TOP2A: variants seen among roughly 807,000 people sequenced by gnomAD.
TOP2A encodes the protein DNA topoisomerase II alpha.
In TOP2A, 68 loss-of-function variants were observed where a neutral mutation model predicts 187.2. The ratio of observed to expected loss-of-function variants is 0.36; its 90% CI spans 0.30 to 0.44. The LOEUF is 0.44. Ranked by LOEUF, TOP2A falls within the 20% of genes least tolerant of loss-of-function variation. TOP2A has a pLI of 1.00. For missense variants in TOP2A, 1,196 were observed against 1,808.7 expected, an observed-to-expected ratio of 0.66 and a Z score of 6.14; for synonymous variants, 542 against 593.2, an observed-to-expected ratio of 0.91 and a Z score of 1.25.
chr17:40,413,314 A>G (rs1024283875), intron 5 of TOP2A, 22 bp from the exon 6 acceptor site: 34 of 1,524,898 alleles, frequency 2.2e-5, no homozygotes, highest in Middle Eastern at 1.7e-4. Flanking sequence ...AATATGAAAC[A>G]CTATTTTATT....
chr17:40,408,264 A>C, intron 11 of TOP2A, 140 bp from the exon 12 acceptor site: 1 of 799,888 alleles, frequency 1.3e-6, no homozygotes, highest in East Asian at 2.7e-5. Flanking sequence ...GTAATAGATC[A>C]TAATATAAAC....
intron 29 of TOP2A, among the ~76,000 whole-genome samples, chr17:40,394,172 A>G (rs1033575698): frequency 6.7e-6 from 1 of 148,446 alleles, no homozygotes; most frequent in African/African-American, 2.5e-5. Flanking sequence ...ACCACATATT[A>G]TATGATTTAA....
chr17:40,412,461 T>C (rs933272579), intron 7 of TOP2A, among the ~76,000 whole-genome samples: 3 of 152,018 alleles, frequency 2.0e-5, no homozygotes, highest in East Asian at 3.9e-4. Context: ...CTGGCCAACA[T>C]AGTGAAACCT....
At chr17:40,394,139 A>G (rs192331350) in intron 29 of TOP2A, among the ~76,000 whole-genome samples, 28 of 152,104 alleles carry the variant, frequency 1.8e-4, no homozygotes, top group African/African-American at 6.3e-4. Flanking sequence ...AAATGTGTTA[A>G]GTAAAGAAGT....
At position 40,408,028 on chromosome 17, in the gene TOP2A, T is replaced by C; in HGVS notation, c.1439A>G (p.Lys480Arg). The C allele has an allele frequency of 6.2e-7, 1 of 1,613,676 alleles. No homozygotes were observed. Among genetic ancestry groups the C allele is most frequent in the Non-Finnish European group, 8.5e-7 (1 of 1,179,744 alleles). Residue 480 changes from lysine (K) to arginine (R), a missense_variant, in exon 12 of 35, where the codon AAA (lysine) becomes AGA (arginine). Coordinates refer to ENST00000423485, the MANE Select transcript of TOP2A (RefSeq NM_001067.4). ...TCCTCTAAGAGGGAAAACCCCATAT[T>C]TGTCTCTCCCAACCACACCAAGGCC... ...VSGLGVVGRDKYGVFPLRGKI... is the reference protein window; with the variant it reads ...VSGLGVVGRDRYGVFPLRGKI...
rs376344201 is a variant in TOP2A, at chr17:40,408,638, C to T, written c.1204-8G>A. The stretch of plus-strand genomic sequence containing the variant: ...AATACCACAGCCAATGGCCTGAAAA[C>T]GAGAAGATTCATATTAGGGATCATA... On this transcript the variant is annotated splice_polypyrimidine_tract_variant and splice_region_variant and intron_variant, in intron 10 of 34. Transcript: ENST00000423485. 7.3e-5 allele frequency: 118 copies of T among 1,613,204 alleles called. No individual in the cohort carries two copies. The highest frequency in any genetic ancestry group is 1.6e-4 in the Middle Eastern group (1 of 6,082).
chr17:40,416,904 T>TA lies in TOP2A; in HGVS notation c.22-10dup, dbSNP rs752085676. 2.1e-4 allele frequency: 321 copies of TA among 1,551,708 alleles called. 1 individual carries two copies. Among genetic ancestry groups the TA allele is most frequent in the East Asian group, 8.4e-4 (37 of 43,902 alleles). ...ATATTTTCATTTACAGGCTAGCAAT[T>TA]AAAAAAAAAGAGAGAAAGAAGGGAA... On this transcript the variant is annotated splice_polypyrimidine_tract_variant and intron_variant, in intron 1 of 34. Coordinates refer to ENST00000423485, the MANE Select transcript of TOP2A (RefSeq NM_001067.4).
intron 29 of TOP2A, among the ~76,000 whole-genome samples, chr17:40,394,436 G>A (rs1308954103): frequency 6.6e-6 from 1 of 152,176 alleles, no homozygotes; most frequent in African/African-American, 2.4e-5. Flanking sequence ...GGGTTCAAGC[G>A]ACACTCGTGC....
In TOP2A at chr17:40,392,079, C is replaced by G. The variant is rs750593637; in HGVS notation, c.4121G>C (p.Ser1374Thr). Residue 1374 changes from serine (S) to threonine (T), a missense_variant, in exon 32 of 35, where the codon AGT (serine) becomes ACT (threonine). Transcript: ENST00000423485. ...LSNKELKPQK[S>T]VVSDLEADDV... is the part of the protein sequence containing the mutation. ...ACTTAAATACATACCTGACACGACACTTTTCTGTGGTTTCAGTTCTTTGTT... is the reference window on the plus strand; with the variant it reads ...ACTTAAATACATACCTGACACGACAGTTTTCTGTGGTTTCAGTTCTTTGTT... The G allele has an allele frequency of 6.2e-7, 1 of 1,612,042 alleles. No homozygotes were observed. Among genetic ancestry groups the G allele is most frequent in the Non-Finnish European group, 8.5e-7 (1 of 1,179,276 alleles).
chr17:40,391,823 T>C (rs2035025031), intron 32 of TOP2A, 183 bp from the exon 33 acceptor site: 1 of 841,726 alleles, frequency 1.2e-6, no homozygotes, highest in Non-Finnish European at 1.8e-6. Context: ...GAACAGTTTT[T>C]ATTTTTTGTA....
At chr17:40,409,694 C>G (rs910855452) in intron 10 of TOP2A, 5 of 210,962 alleles carry the variant, frequency 2.4e-5, no homozygotes, top group Non-Finnish European at 4.8e-5. Flanking sequence ...CAAGGAGAAT[C>G]GCTTGAACCT....
intron 10 of TOP2A, chr17:40,409,319 T>C: frequency 2.8e-6 from 1 of 359,282 alleles, no homozygotes; most frequent in Non-Finnish European, 5.3e-6. Context: ...CGGGTTGCAG[T>C]GAACTGAGAT....
rs746667611 is a variant in TOP2A at position 40,398,874 on chromosome 17, C to T, written c.3352G>A (p.Val1118Ile). 3.7e-6 allele frequency: 6 copies of T among 1,613,778 alleles called. No individual in the cohort carries two copies. In the East Asian group the frequency reaches 6.7e-5, roughly 18 times the overall value. Residue 1118 changes from valine to isoleucine, a missense_variant, in exon 26 of 35, where the codon GTA (valine) becomes ATA (isoleucine). Physicochemically the swap from Val to Ile is conservative, Grantham distance 29. Coordinates refer to ENST00000423485, the MANE Select transcript of TOP2A (RefSeq NM_001067.4). ...TTGAAGGTTGGTCCAGAATCTGTTACGGAGTCACTCTTTTCAGTTTCCTTT... is the reference window on the plus strand; with the variant it reads ...TTGAAGGTTGGTCCAGAATCTGTTATGGAGTCACTCTTTTCAGTTTCCTTT... ...NEKETEKSDS[V>I]TDSGPTFNYL...
rs2035413179 is a variant in TOP2A at position 40,417,862 on chromosome 17, C to A, written c.-71G>T. On this transcript the variant is annotated 5_prime_UTR_variant, in exon 1 of 35. Coordinates refer to ENST00000423485, the MANE Select transcript of TOP2A (RefSeq NM_001067.4). The stretch of plus-strand genomic sequence containing the variant: ...AGGCAGGACCCCACGAGACCACCCC[C>A]GACCAAGCCGCTTCTCCACAGACGC... 1.9e-6 allele frequency: 3 copies of A among 1,597,242 alleles called. No individual in the cohort carries two copies. The highest frequency in any genetic ancestry group is 1.7e-4 in the Middle Eastern group (1 of 6,022).
chr17:40,416,579 C>T, intron 2 of TOP2A, 67 bp from the exon 3 acceptor site: 1 of 1,443,104 alleles, frequency 6.9e-7, no homozygotes. Context: ...TCATGATTAC[C>T]ATAAAGTGTT....
At chr17:40,416,185 G>C in intron 3 of TOP2A, 117 bp from the exon 4 acceptor site, 1 of 882,306 alleles carries the variant, frequency 1.1e-6, no homozygotes, top group Non-Finnish European at 1.8e-6. Context: ...GCATTAACAA[G>C]GTGTTAATTT....
chr17:40,388,566 G>C lies in TOP2A; in HGVS notation c.*953C>G, dbSNP rs2034986790. 1 of 179,784 alleles carries C rather than the reference G, an allele frequency of 5.6e-6. No individual in the cohort carries two copies. The highest frequency in any genetic ancestry group is 1.2e-5 in the Non-Finnish European group (1 of 84,074). 11.1% of individuals were successfully genotyped at this position (179,784 alleles called of 1,614,324 possible). The stretch of plus-strand genomic sequence containing the variant: ...ATTTTATTAAAGTACAAAATTGTTG[G>C]AATTTAGCTAATAGAAAAACATAGT... On this transcript the variant is annotated 3_prime_UTR_variant, in exon 35 of 35. Coordinates refer to ENST00000423485, the MANE Select transcript of TOP2A (RefSeq NM_001067.4).
At chr17:40,410,609 C>T in intron 10 of TOP2A, 1 of 456,268 alleles carries the variant, frequency 2.2e-6, no homozygotes, top group Non-Finnish European at 4.4e-6. Context: ...TGGTGAGAAG[C>T]TACTGCAGCA....
Position 40,396,959 on chromosome 17 carries a change from T to C in TOP2A, c.3538-494A>G, listed in dbSNP as rs1842496055. The stretch of plus-strand genomic sequence containing the variant: ...ACAATGGTACATGATCATAGTTCAC[T>C]GCAGCCTTGAACTCCTGGTCTCAAG... On this transcript the variant is annotated intron_variant, in intron 27 of 34. Transcript: ENST00000423485. Among the ~76,000 whole-genome samples, 4 of 151,592 alleles carry C rather than the reference T, an allele frequency of 2.6e-5. No individual in the cohort carries two copies. In the South Asian group the frequency reaches 8.4e-4, roughly 32 times the overall value.
Sources: gnomAD v4.1 joint callset for allele counts (sites outside exome capture counted in the v4.1 genomes callset) on GRCh38, gnomAD v4.1.1 for gene constraint, MANE v1.5 for transcripts, NCBI Gene and HGNC (gene_info 2026-07-23, HGNC 2026-07-21) for gene names.